The following B3GALT1 variants were observed in gnomAD, a reference collection of about 807,000 sequenced individuals.
The protein encoded by B3GALT1 is beta-1,3-galactosyltransferase 1.
In B3GALT1, 10 loss-of-function variants were observed where a neutral mutation model predicts 23.2. The ratio of observed to expected loss-of-function variants is 0.43; its 90% confidence interval spans 0.27 to 0.73. The LOEUF (loss-of-function observed/expected upper bound fraction) is 0.73, where lower values mean the gene tolerates loss of function less well. Among genes scored for constraint, B3GALT1 ranks in the 30% least tolerant of loss-of-function variants. The probability of loss-of-function intolerance (pLI) is 0.21; values close to 1 mark genes in which losing one functional copy is unlikely to be tolerated. For missense variants in B3GALT1, 299 were observed against 405.4 expected, an observed-to-expected ratio of 0.74 and a Z score of 2.25; for synonymous variants, 156 against 141.5, an observed-to-expected ratio of 1.10 and a Z score of -0.73.
At chr2:167,465,858 G>A (rs530946995) in intron 1 of B3GALT1, among the ~76,000 whole-genome samples, 1 of 151,928 alleles carries the variant, frequency 6.6e-6, no homozygotes. Flanking sequence ...ATTTGAGGAA[G>A]ATGTGAGTTG....
chr2:167,443,023 C>A (rs1277413760), intron 1 of B3GALT1, among the ~76,000 whole-genome samples: 5 of 151,998 alleles, frequency 3.3e-5, no homozygotes, highest in Non-Finnish European at 7.4e-5. Context: ...AAGTTTAAGT[C>A]TTTAATCCAT....
At chr2:167,631,964 GC>G (rs1685456781) in intron 2 of B3GALT1, among the ~76,000 whole-genome samples, 1 of 151,364 alleles carries the variant, frequency 6.6e-6, no homozygotes, top group Non-Finnish European at 1.5e-5. Context: ...CCACTGACAG[GC>G]CCCGGTGTGT....
chr2:167,605,906 C>G (rs1016516804), intron 2 of B3GALT1, among the ~76,000 whole-genome samples: 3 of 152,090 alleles, frequency 2.0e-5, no homozygotes, highest in Admixed American at 6.5e-5. Flanking sequence ...GAGTATAACT[C>G]TATCTCCATT....
intron 1 of B3GALT1, among the ~76,000 whole-genome samples, chr2:167,309,736 A>T (rs927726147): frequency 3.3e-5 from 5 of 152,092 alleles, no homozygotes; most frequent in Admixed American, 1.3e-4. Flanking sequence ...TCATTAGGCA[A>T]ATACATATTT....
intron 2 of B3GALT1, among the ~76,000 whole-genome samples, chr2:167,582,992 A>G (rs1438221442): frequency 1.3e-5 from 2 of 151,756 alleles, no homozygotes; most frequent in Non-Finnish European, 2.9e-5. Flanking sequence ...TAGCCATCCC[A>G]CCCCACCCCT....
In B3GALT1 at chr2:167,870,113, G is replaced by A; in HGVS notation, c.*93G>A. On this transcript the variant is annotated 3_prime_UTR_variant, in exon 5 of 5. Transcript: ENST00000392690. ...TCCAGGTGTCGGGGGAAATGAACTGGTGAAGGGGTTTTGTAAAGTTTTTGC... is the reference window on the plus strand; with the variant it reads ...TCCAGGTGTCGGGGGAAATGAACTGATGAAGGGGTTTTGTAAAGTTTTTGC... 1 of 1,340,776 alleles carries A rather than the reference G, an allele frequency of 7.5e-7. No homozygotes were observed. 83.1% of individuals were successfully genotyped at this position (1,340,776 alleles called of 1,614,324 possible). A position where few individuals can be genotyped will look rare whatever the true frequency, so the allele number is the denominator to read the frequency against.
At chr2:167,703,324 T>G (rs1298298772) in intron 3 of B3GALT1, among the ~76,000 whole-genome samples, 1 of 152,070 alleles carries the variant, frequency 6.6e-6, no homozygotes, top group Non-Finnish European at 1.5e-5. Context: ...CTCCCTACAT[T>G]AGATGCCTAG....
At chr2:167,542,169 A>T (rs1486911746) in intron 2 of B3GALT1, among the ~76,000 whole-genome samples, 1 of 152,088 alleles carries the variant, frequency 6.6e-6, no homozygotes, top group African/African-American at 2.4e-5. Context: ...TTGTATAAAT[A>T]ATGTAAGATG....
chr2:167,567,898 C>CT (rs1300489500), intron 2 of B3GALT1, among the ~76,000 whole-genome samples: 2 of 152,094 alleles, frequency 1.3e-5, no homozygotes, highest in East Asian at 3.8e-4. Context: ...TTCATCCTCA[C>CT]TCCCCCTTAG....
At chr2:167,437,017 C>T (rs978278681) in intron 1 of B3GALT1, among the ~76,000 whole-genome samples, 9 of 152,268 alleles carry the variant, frequency 5.9e-5, no homozygotes, top group Middle Eastern at 3.4e-3. Context: ...TGGAGAAACA[C>T]TCTCTATGCC....
chr2:167,324,483 T>C (rs1330274642), intron 1 of B3GALT1, among the ~76,000 whole-genome samples: 1 of 152,088 alleles, frequency 6.6e-6, no homozygotes, highest in Non-Finnish European at 1.5e-5. Flanking sequence ...ACAAAAAATG[T>C]GCTTAACATT....
chr2:167,672,860 A>T (rs1430439930), intron 3 of B3GALT1, among the ~76,000 whole-genome samples: 1 of 152,048 alleles, frequency 6.6e-6, no homozygotes, highest in African/African-American at 2.4e-5. Flanking sequence ...AATAATTATA[A>T]CTATATTTTA....
At chr2:167,601,949 G>A (rs560421711) in intron 2 of B3GALT1, among the ~76,000 whole-genome samples, 1 of 152,186 alleles carries the variant, frequency 6.6e-6, no homozygotes, top group African/African-American at 2.4e-5. Flanking sequence ...GACCTTCAAA[G>A]TTCTTTTTAT....
At chr2:167,577,129 T>C (rs1684401269) in intron 2 of B3GALT1, among the ~76,000 whole-genome samples, 1 of 151,818 alleles carries the variant, frequency 6.6e-6, no homozygotes, top group Admixed American at 6.6e-5. Context: ...GTGAAACTGA[T>C]GGCTTTTTGG....
chr2:167,826,162 G>T (rs374602126), intron 4 of B3GALT1, among the ~76,000 whole-genome samples: 5 of 152,206 alleles, frequency 3.3e-5, no homozygotes, highest in African/African-American at 1.2e-4. Context: ...AAGTGATGTG[G>T]GGTGAGCCTA....
chr2:167,741,005 A>G (rs925708505), intron 3 of B3GALT1, among the ~76,000 whole-genome samples: 13 of 152,222 alleles, frequency 8.5e-5, no homozygotes, highest in African/African-American at 3.1e-4. Flanking sequence ...GACTCAAGCC[A>G]AGACAATGAG....
At chr2:167,773,797 C>T (rs2105311229) in intron 3 of B3GALT1, among the ~76,000 whole-genome samples, 1 of 152,308 alleles carries the variant, frequency 6.6e-6, no homozygotes, top group Middle Eastern at 3.4e-3. Context: ...TGTTAGTTGG[C>T]TCCGAAGTAA....
At chr2:167,344,172 T>C (rs896543514) in intron 1 of B3GALT1, among the ~76,000 whole-genome samples, 1 of 152,104 alleles carries the variant, frequency 6.6e-6, no homozygotes, top group African/African-American at 2.4e-5. Flanking sequence ...ATGGCCATAA[T>C]TGAAATAAAA....
chr2:167,692,119 A>G (rs1686724277), intron 3 of B3GALT1, among the ~76,000 whole-genome samples: 1 of 152,106 alleles, frequency 6.6e-6, no homozygotes, highest in African/African-American at 2.4e-5. Context: ...TAAGATGTGT[A>G]TGTTGGTCTA....
Sources: allele counts gnomAD v4.1 joint callset (sites outside exome capture counted in the v4.1 genomes callset), GRCh38; gene constraint gnomAD v4.1.1; transcripts MANE v1.5; gene names NCBI Gene and HGNC (gene_info 2026-07-23, HGNC 2026-07-21).